TSHZ2: variants seen among roughly 807,000 people sequenced by gnomAD.
The protein encoded by TSHZ2 is teashirt zinc finger homeobox 2, also known as teashirt homolog 2.
TSHZ2 carries 21 observed loss-of-function variants against 74.4 expected under a neutral mutation model. The observed-to-expected ratio is 0.28, with a 90% CI of 0.20 to 0.41. TSHZ2 has a LOEUF of 0.41. Among genes scored for constraint, TSHZ2 ranks in the 10% least tolerant of loss-of-function variants. The pLI is 1.00. For synonymous variants in TSHZ2, 540 were observed against 515.3 expected, an observed-to-expected ratio of 1.05 and a Z score of -0.65; for missense variants, 1,244 against 1,293.5, an observed-to-expected ratio of 0.96 and a Z score of 0.59.
At chr20:53,240,067 G>A (rs963916443) in intron 1 of TSHZ2, among the ~76,000 whole-genome samples, 29 of 152,082 alleles carry the variant, frequency 1.9e-4, no homozygotes, top group African/African-American at 6.8e-4. Context: ...TCTTGGCTCC[G>A]TGATGTCATA....
At chr20:53,175,131 CTTTTTTTTTTTTTTTTTT>C (rs750453219) in intron 1 of TSHZ2, among the ~76,000 whole-genome samples, 19 of 63,640 alleles carry the variant, frequency 3.0e-4, no homozygotes, top group Middle Eastern at 0.013. Context: ...CTTCTTCTTT[CTTTTTTTTTTTTTTTTTT>C]TTTTTTTTTT....
intron 1 of TSHZ2, among the ~76,000 whole-genome samples, chr20:53,124,351 C>T (rs1986891125): frequency 6.6e-6 from 1 of 152,206 alleles, no homozygotes; most frequent in Non-Finnish European, 1.5e-5. Flanking sequence ...CATTTGGAGG[C>T]TGAATTTCAT....
chr20:53,423,835 G>A (rs939195165), intron 2 of TSHZ2, among the ~76,000 whole-genome samples: 6 of 152,208 alleles, frequency 3.9e-5, no homozygotes, highest in Non-Finnish European at 7.3e-5. Flanking sequence ...TAAACCAATG[G>A]TTCTCAAAGC....
At chr20:53,015,045 G>A (rs569904288) in intron 1 of TSHZ2, among the ~76,000 whole-genome samples, 59 of 152,206 alleles carry the variant, frequency 3.9e-4, no homozygotes, top group Non-Finnish European at 7.2e-4. Context: ...CTGCATGGTG[G>A]CCACTGTCTT....
At chr20:53,085,533 A>G (rs940563294) in intron 1 of TSHZ2, among the ~76,000 whole-genome samples, 46 of 152,130 alleles carry the variant, frequency 3.0e-4, no homozygotes, top group African/African-American at 1.1e-3. Flanking sequence ...AGTAAGACAA[A>G]CTCAGGTGTT....
chr20:53,441,184 T>C (rs1249349836), intron 2 of TSHZ2, among the ~76,000 whole-genome samples: 7 of 152,128 alleles, frequency 4.6e-5, no homozygotes, highest in Admixed American at 4.6e-4. Flanking sequence ...GCTGCTTTAC[T>C]TCTTCCTTTT....
intron 1 of TSHZ2, among the ~76,000 whole-genome samples, chr20:53,164,409 TC>T (rs1325641254): frequency 1.1e-4 from 15 of 141,264 alleles, no homozygotes; most frequent in African/African-American, 4.0e-4. Flanking sequence ...GAGATCATTT[TC>T]CTGGTCACCT....
At chr20:53,464,759 C>G (rs150542632) in intron 2 of TSHZ2, among the ~76,000 whole-genome samples, 87 of 152,080 alleles carry the variant, frequency 5.7e-4, no homozygotes, top group Non-Finnish European at 7.4e-4. Context: ...TCAGCCACCA[C>G]GCCCAGTCAG....
intron 1 of TSHZ2, among the ~76,000 whole-genome samples, chr20:53,045,968 T>C (rs1175632747): frequency 6.6e-6 from 1 of 152,156 alleles, no homozygotes; most frequent in African/African-American, 2.4e-5. Flanking sequence ...CTGTATCTGT[T>C]TCCTGTCTTA....
At chr20:53,359,893 T>C (rs527460112) in intron 2 of TSHZ2, among the ~76,000 whole-genome samples, 3 of 152,332 alleles carry the variant, frequency 2.0e-5, no homozygotes, top group African/African-American at 7.2e-5. Context: ...GTCAGTCTTA[T>C]TAGTGCATTG....
intron 2 of TSHZ2, among the ~76,000 whole-genome samples, chr20:53,273,705 G>T (rs1164778410): frequency 2.0e-5 from 3 of 152,202 alleles, no homozygotes; most frequent in Non-Finnish European, 4.4e-5. Flanking sequence ...AGATGGCCTT[G>T]GTTGGAGCCT....
chr20:53,351,432 AT>A (rs1290542836), intron 2 of TSHZ2, among the ~76,000 whole-genome samples: 2 of 152,294 alleles, frequency 1.3e-5, no homozygotes, highest in East Asian at 1.9e-4. Context: ...AAAATAAAGA[AT>A]TTTTTTAACG....
At chr20:53,334,419 G>A (rs1214742154) in intron 2 of TSHZ2, among the ~76,000 whole-genome samples, 1 of 152,102 alleles carries the variant, frequency 6.6e-6, no homozygotes, top group African/African-American at 2.4e-5. Flanking sequence ...CAAGTGCACA[G>A]GCCCTGAGGT....
intron 1 of TSHZ2, among the ~76,000 whole-genome samples, chr20:53,221,401 A>G (rs939922037): frequency 2.0e-5 from 3 of 152,148 alleles, no homozygotes; most frequent in African/African-American, 7.2e-5. Context: ...AAAAATAAAT[A>G]CTGTGGGTAT....
intron 2 of TSHZ2, among the ~76,000 whole-genome samples, chr20:53,472,533 T>A (rs933187221): frequency 8.5e-5 from 13 of 152,152 alleles, no homozygotes; most frequent in Admixed American, 6.5e-5. Context: ...CACAAACAGA[T>A]GCCAAGATGC....
intron 1 of TSHZ2, among the ~76,000 whole-genome samples, chr20:53,030,128 A>C (rs1250000984): frequency 3.4e-5 from 5 of 147,806 alleles, no homozygotes; most frequent in Admixed American, 2.0e-4. Context: ...ACTGAGGCAC[A>C]GAGAGAGGAA....
At chr20:53,389,955 G>A (rs1982190586) in intron 2 of TSHZ2, among the ~76,000 whole-genome samples, 3 of 152,188 alleles carry the variant, frequency 2.0e-5, no homozygotes, top group African/African-American at 7.2e-5. Flanking sequence ...CTGGTGTCAT[G>A]GAGGCAAATG....
intron 2 of TSHZ2, among the ~76,000 whole-genome samples, chr20:53,471,633 G>T (rs1055474554): frequency 8.5e-5 from 13 of 152,116 alleles, no homozygotes; most frequent in African/African-American, 3.1e-4. Flanking sequence ...GGGAAGAAGA[G>T]CATGCTAAGC....
rs545839051 is a variant in TSHZ2, at chr20:53,008,573, C to A, written c.40+35240C>A. On this transcript the variant is annotated intron_variant, in intron 1 of 2. Coordinates refer to ENST00000371497, the MANE Select transcript of TSHZ2 (RefSeq NM_173485.6). Reference sequence around the variant, plus strand: ...TATAATCACCTTTTTTTTTTTTTTACGGGAATTGACATTGATACTTAAAGC... The same window carrying A: ...TATAATCACCTTTTTTTTTTTTTTAAGGGAATTGACATTGATACTTAAAGC... Among the ~76,000 whole-genome samples, 6 of 145,386 alleles carry A rather than the reference C, an allele frequency of 4.1e-5. No homozygotes were observed. In the South Asian group the frequency reaches 1.1e-3, roughly 26 times the overall value.
Sources: allele counts gnomAD v4.1 joint callset (sites outside exome capture counted in the v4.1 genomes callset), GRCh38; gene constraint gnomAD v4.1.1; transcripts MANE v1.5; gene names NCBI Gene and HGNC (gene_info 2026-07-23, HGNC 2026-07-21).